The following SLIT3 variants were observed in gnomAD, a reference collection of about 807,000 sequenced individuals.
SLIT3 encodes slit homolog 3 protein.
SLIT3 carries 68 observed loss-of-function variants against 184.0 expected under a neutral mutation model. That is an observed-to-expected ratio of 0.37 (90% confidence interval 0.30 to 0.45). The LOEUF (loss-of-function observed/expected upper bound fraction) is 0.45, where lower values mean the gene tolerates loss of function less well. SLIT3 is among the 20% of genes least tolerant of loss of function. The pLI is 1.00. For synonymous variants in SLIT3, 831 were observed against 828.6 expected, an observed-to-expected ratio of 1.00 and a Z score of -0.05; for missense variants, 1,707 against 2,026.0, an observed-to-expected ratio of 0.84 and a Z score of 3.02.
Position 169,170,815 on chromosome 5 carries a change from A to C in SLIT3, c.413+22664T>G, listed in dbSNP as rs1762794079. Among the ~76,000 whole-genome samples, 8 of 152,322 alleles carry C rather than the reference A, an allele frequency of 5.3e-5. No individual in the cohort carries two copies. The South Asian group carries it at 1.7e-3, about 32-fold the overall frequency. ...TGCCATTTTGTAATCTCTTTCATTG[A>C]AAGGACAGTTTCAAAAAAGGGAGAA... On this transcript the variant is annotated intron_variant, in intron 4 of 35. Coordinates refer to ENST00000519560, the MANE Select transcript of SLIT3 (RefSeq NM_003062.4).
intron 4 of SLIT3, among the ~76,000 whole-genome samples, chr5:169,061,068 C>T (rs1391099001): frequency 6.6e-6 from 1 of 152,180 alleles, no homozygotes; most frequent in Non-Finnish European, 1.5e-5. Context: ...ATAGAATCTA[C>T]CTTGTTGGGA....
intron 33 of SLIT3, 83 bp downstream of exon 33, chr5:168,673,094 T>G: frequency 7.3e-7 from 1 of 1,367,680 alleles, no homozygotes. Context: ...CTTCCCTGAT[T>G]GGCTTTGGCA....
chr5:169,219,752 T>C (rs1037205725), intron 3 of SLIT3, among the ~76,000 whole-genome samples: 8 of 152,202 alleles, frequency 5.3e-5, no homozygotes, highest in Non-Finnish European at 8.8e-5. Context: ...TAGAGCCACA[T>C]GGAAATTCAA....
intron 4 of SLIT3, among the ~76,000 whole-genome samples, chr5:168,956,725 A>G (rs6555839): frequency 0.15 from 23,174 of 151,998 alleles, 3,191 homozygotes; most frequent in African/African-American, 0.37. Context: ...CCCAGGAGGC[A>G]GAGGTTGCAG....
chr5:168,784,122 A>C (rs1756070631), intron 12 of SLIT3, among the ~76,000 whole-genome samples: 1 of 152,190 alleles, frequency 6.6e-6, no homozygotes, highest in South Asian at 2.1e-4. Context: ...AGATTATAAA[A>C]GGAAAATCAC....
chr5:169,181,149 T>C (rs1763137909), intron 4 of SLIT3, among the ~76,000 whole-genome samples: 2 of 152,216 alleles, frequency 1.3e-5, no homozygotes, highest in African/African-American at 4.8e-5. Flanking sequence ...TATCTCACCA[T>C]AGCATTGCCC....
At chr5:169,012,366 T>C (rs1019371631) in intron 4 of SLIT3, 5 of 152,056 alleles carry the variant, frequency 3.3e-5, no homozygotes, top group Non-Finnish European at 7.4e-5. Context: ...TGGGCAGGAG[T>C]GCTCTGCTCA....
At chr5:168,959,599 A>G (rs1762941201) in intron 4 of SLIT3, among the ~76,000 whole-genome samples, 1 of 152,196 alleles carries the variant, frequency 6.6e-6, no homozygotes, top group South Asian at 2.1e-4. Flanking sequence ...TGCCTGGAGT[A>G]GGTGGTCTCT....
chr5:169,061,755 C>T (rs1418153381), intron 4 of SLIT3, among the ~76,000 whole-genome samples: 1 of 152,198 alleles, frequency 6.6e-6, no homozygotes, highest in Non-Finnish European at 1.5e-5. Context: ...TGCTTCCAGC[C>T]CTTCCTGGGA....
At chr5:169,266,787 A>C (rs548197284) in intron 1 of SLIT3, among the ~76,000 whole-genome samples, 1 of 152,238 alleles carries the variant, frequency 6.6e-6, no homozygotes, top group Admixed American at 6.5e-5. Context: ...AGCATCCATG[A>C]TCTTCATCCA....
intron 5 of SLIT3, among the ~76,000 whole-genome samples, chr5:168,853,363 G>A (rs1758741873): frequency 6.6e-6 from 1 of 152,050 alleles, no homozygotes; most frequent in Admixed American, 6.6e-5. Context: ...ATTTCTTGGT[G>A]GCTACTTCCA....
At chr5:168,777,797 C>T (rs974536177) in intron 12 of SLIT3, among the ~76,000 whole-genome samples, 3 of 152,140 alleles carry the variant, frequency 2.0e-5, no homozygotes. Context: ...CCTCACTGGT[C>T]CCCAGCATCA....
intron 4 of SLIT3, among the ~76,000 whole-genome samples, chr5:169,015,931 AACACACACACACACACACACACAC>A (rs3138760): frequency 2.9e-4 from 35 of 120,386 alleles, no homozygotes; most frequent in African/African-American, 6.4e-4. Context: ...GAAAAATATA[AACACACACACACACACACACACAC>A]ACACACACAC....
intron 4 of SLIT3, among the ~76,000 whole-genome samples, chr5:169,092,324 G>A (rs1021845552): frequency 6.6e-6 from 1 of 152,180 alleles, no homozygotes; most frequent in East Asian, 1.9e-4. Context: ...GACCAAGGAT[G>A]GTGAGTAAAT....
At chr5:168,712,825 A>G (rs1235313999) in intron 23 of SLIT3, 4 of 158,362 alleles carry the variant, frequency 2.5e-5, no homozygotes, top group African/African-American at 9.6e-5. Flanking sequence ...GGGCAAAGCA[A>G]TTTACCCTCT....
chr5:168,872,358 C>T (rs556759611), intron 5 of SLIT3, among the ~76,000 whole-genome samples: 71 of 152,110 alleles, frequency 4.7e-4, no homozygotes, highest in Non-Finnish European at 9.0e-4. Flanking sequence ...ACCCATCCAA[C>T]GTACAAACCA....
chr5:169,212,581 GAT>G (rs1478177323), intron 3 of SLIT3, among the ~76,000 whole-genome samples: 1 of 152,082 alleles, frequency 6.6e-6, no homozygotes. Context: ...TGTTCACTCT[GAT>G]AGTTTCTTTT....
At chr5:168,969,316 A>AG (rs758227567) in intron 4 of SLIT3, among the ~76,000 whole-genome samples, 1 of 152,150 alleles carries the variant, frequency 6.6e-6, no homozygotes, top group Non-Finnish European at 1.5e-5. Flanking sequence ...GTGATGAATA[A>AG]ATTATGCAGA....
At chr5:169,008,527 G>A (rs1343596544) in intron 4 of SLIT3, among the ~76,000 whole-genome samples, 4 of 152,164 alleles carry the variant, frequency 2.6e-5, no homozygotes, top group Non-Finnish European at 5.9e-5. Flanking sequence ...CTGCAGTCCC[G>A]GCTAGCTCCA....
Sources: gnomAD v4.1 joint callset for allele counts (sites outside exome capture counted in the v4.1 genomes callset) on GRCh38, gnomAD v4.1.1 for gene constraint, MANE v1.5 for transcripts, NCBI Gene and HGNC (gene_info 2026-07-23, HGNC 2026-07-21) for gene names.